Variants in DYNC1I1 observed in about 807,000 individuals in gnomAD.
The protein encoded by DYNC1I1 is dynein cytoplasmic 1 intermediate chain 1, also known as cytoplasmic dynein 1 intermediate chain 1.
A neutral mutation model predicts 86.6 loss-of-function variants in DYNC1I1; 43 were observed. The ratio of observed to expected loss-of-function variants is 0.50; its 90% confidence interval spans 0.39 to 0.64. The LOEUF (loss-of-function observed/expected upper bound fraction) is 0.64, where lower values mean the gene tolerates loss of function less well. Ranked by LOEUF, DYNC1I1 falls within the 30% of genes least tolerant of loss-of-function variation. DYNC1I1 has a pLI of 0.00. For missense variants in DYNC1I1, 604 were observed against 788.8 expected (o/e 0.77, Z 2.81); for synonymous variants, 262 against 283.7 (o/e 0.92, Z 0.77).
At chr7:95,838,893 C>T (rs563988594) in intron 5 of DYNC1I1, among the ~76,000 whole-genome samples, 133 of 152,174 alleles carry the variant, frequency 8.7e-4, no homozygotes, top group African/African-American at 3.1e-3. Context: ...AAGTTTCCTA[C>T]GTACAAGGTC....
At chr7:95,947,980 C>CTTTTTT (rs35181190) in intron 6 of DYNC1I1, among the ~76,000 whole-genome samples, 45 of 106,838 alleles carry the variant, frequency 4.2e-4, no homozygotes, top group African/African-American at 1.5e-3. Flanking sequence ...TTGTATGTGG[C>CTTTTTT]TTTTTTTTTT....
chr7:95,832,000 C>T (rs921601630), intron 5 of DYNC1I1, among the ~76,000 whole-genome samples: 9 of 151,414 alleles, frequency 5.9e-5, no homozygotes, highest in Non-Finnish European at 1.0e-4. Flanking sequence ...TAAGTTTTAG[C>T]ATACATGTGC....
chr7:96,030,327 G>C (rs2115976314), intron 11 of DYNC1I1, among the ~76,000 whole-genome samples: 1 of 140,062 alleles, frequency 7.1e-6, no homozygotes, highest in Admixed American at 7.1e-5. Flanking sequence ...CTTAATGGTA[G>C]AGTTGTGTGT....
intron 7 of DYNC1I1, among the ~76,000 whole-genome samples, chr7:95,978,878 C>T (rs1793380232): frequency 6.6e-6 from 1 of 152,184 alleles, no homozygotes; most frequent in African/African-American, 2.4e-5. Flanking sequence ...TCACTGCAAC[C>T]TCTGCCTCCC....
intron 6 of DYNC1I1, among the ~76,000 whole-genome samples, chr7:95,909,252 G>T (rs1289739445): frequency 9.2e-6 from 1 of 108,688 alleles, no homozygotes; most frequent in Non-Finnish European, 1.9e-5. Flanking sequence ...GTGGGGGGGG[G>T]GGGCGGGGCG....
intron 1 of DYNC1I1, among the ~76,000 whole-genome samples, chr7:95,777,802 C>T (rs1793883786): frequency 1.3e-5 from 2 of 152,144 alleles, no homozygotes; most frequent in South Asian, 4.1e-4. Context: ...GTAACCGTTC[C>T]AGTGTGCTTC....
At chr7:95,856,121 T>A (rs1483779914) in intron 5 of DYNC1I1, among the ~76,000 whole-genome samples, 1 of 152,232 alleles carries the variant, frequency 6.6e-6, no homozygotes, top group African/African-American at 2.4e-5. Context: ...ACTGTTTTTT[T>A]TAATATTCTG....
chr7:95,939,302 A>G (rs988296963), intron 6 of DYNC1I1, among the ~76,000 whole-genome samples: 3 of 152,118 alleles, frequency 2.0e-5, no homozygotes, highest in Admixed American at 6.6e-5. Context: ...TTCTGTAGAT[A>G]TCTATTAGGT....
At chr7:95,957,418 A>C (rs1792745683) in intron 6 of DYNC1I1, among the ~76,000 whole-genome samples, 1 of 152,106 alleles carries the variant, frequency 6.6e-6, no homozygotes. Context: ...CCTAAAATGA[A>C]TACATTGTCC....
chr7:95,793,304 G>A (rs1794355677), intron 1 of DYNC1I1, among the ~76,000 whole-genome samples: 1 of 152,034 alleles, frequency 6.6e-6, no homozygotes, highest in African/African-American at 2.4e-5. Flanking sequence ...CGAGGATTTG[G>A]GGCTGACCAA....
At chr7:95,808,026 A>C (rs1048770233) in intron 2 of DYNC1I1, among the ~76,000 whole-genome samples, 9 of 152,146 alleles carry the variant, frequency 5.9e-5, no homozygotes, top group African/African-American at 2.2e-4. Flanking sequence ...CATATGAACT[A>C]GTCAGGGCAG....
At chr7:95,824,985 A>G (rs1795172662) in intron 4 of DYNC1I1, among the ~76,000 whole-genome samples, 1 of 152,084 alleles carries the variant, frequency 6.6e-6, no homozygotes, top group Non-Finnish European at 1.5e-5. Context: ...GAACCACCCC[A>G]CAGATAATAA....
chr7:95,992,861 G>A (rs1227585501), intron 9 of DYNC1I1, among the ~76,000 whole-genome samples: 1 of 152,010 alleles, frequency 6.6e-6, no homozygotes, highest in African/African-American at 2.4e-5. Flanking sequence ...GTGATCTGCT[G>A]GCCTCAACCT....
At chr7:96,010,540 A>G (rs771960339) in intron 10 of DYNC1I1, among the ~76,000 whole-genome samples, 3 of 152,160 alleles carry the variant, frequency 2.0e-5, no homozygotes, top group Non-Finnish European at 4.4e-5. Flanking sequence ...TATTTAGACA[A>G]GTGAGTGAAT....
intron 1 of DYNC1I1, chr7:95,804,235 G>C (rs1005300392): frequency 2.6e-5 from 10 of 388,282 alleles, no homozygotes; most frequent in African/African-American, 2.2e-4. Context: ...CCATGCATCC[G>C]AGCTCAGTGG....
chr7:95,915,598 G>C (rs1791448417), intron 6 of DYNC1I1, among the ~76,000 whole-genome samples: 1 of 152,148 alleles, frequency 6.6e-6, no homozygotes, highest in African/African-American at 2.4e-5. Flanking sequence ...CTATATGTGT[G>C]AGAAACTCTC....
intron 6 of DYNC1I1, among the ~76,000 whole-genome samples, chr7:95,972,024 T>C (rs770737667): frequency 2.0e-5 from 3 of 152,064 alleles, no homozygotes; most frequent in Non-Finnish European, 4.4e-5. Context: ...ATCCCAAAGT[T>C]TTGCAAGCCC....
intron 10 of DYNC1I1, among the ~76,000 whole-genome samples, chr7:96,023,100 C>T (rs1241686812): frequency 1.3e-5 from 2 of 152,026 alleles, no homozygotes; most frequent in African/African-American, 4.8e-5. Context: ...CTTAGGTACT[C>T]GCAGAAATAG....
chr7:96,023,701 T>C (rs758421926), intron 10 of DYNC1I1, among the ~76,000 whole-genome samples: 2 of 152,130 alleles, frequency 1.3e-5, no homozygotes, highest in Non-Finnish European at 2.9e-5. Context: ...GGTGGAACTC[T>C]GTTTAGTGGG....
Sources: gnomAD v4.1 joint callset for allele counts (sites outside exome capture counted in the v4.1 genomes callset) on GRCh38, gnomAD v4.1.1 for gene constraint, MANE v1.5 for transcripts, NCBI Gene and HGNC (gene_info 2026-07-23, HGNC 2026-07-21) for gene names.